STS: variants seen among roughly 807,000 people sequenced by gnomAD.
The protein encoded by STS is steryl-sulfatase.
STS carries 7 observed loss-of-function variants against 26.8 expected under a neutral mutation model. The observed-to-expected ratio is 0.26, with a 90% CI of 0.15 to 0.49. STS has a LOEUF of 0.49. Among genes scored for constraint, STS ranks in the 20% least tolerant of loss-of-function variants. The pLI, the probability that STS is intolerant of heterozygous loss-of-function variation, is 0.98. For synonymous variants in STS, 199 were observed against 189.4 expected, an observed-to-expected ratio of 1.05 and a Z score of -0.42; for missense variants, 434 against 465.6, an observed-to-expected ratio of 0.93 and a Z score of 0.63.
At chrX:7,241,440 T>G (rs1389158450) in intron 2 of STS, among the ~76,000 whole-genome samples, 3 of 111,858 alleles carry the variant, frequency 2.7e-5, no homozygotes, top group African/African-American at 9.7e-5. Context: ...AATGCCCTTT[T>G]CTAATTCAGG....
chrX:7,251,848 C>T (rs1326093078), intron 2 of STS, among the ~76,000 whole-genome samples: 3 of 110,432 alleles, frequency 2.7e-5, no homozygotes, highest in Non-Finnish European at 5.7e-5. Flanking sequence ...GTAATTCTAG[C>T]TGCTCAGGAG....
intron 2 of STS, among the ~76,000 whole-genome samples, chrX:7,203,935 C>T (rs760796553): frequency 1.8e-5 from 2 of 111,113 alleles, no homozygotes; most frequent in Non-Finnish European, 3.8e-5. Context: ...CAGGCGTGTT[C>T]TACCACGCCC....
In STS at chrX:7,164,160, G is replaced by T. The variant is rs556618967; in HGVS notation, c.-134+16077G>T. On this transcript the variant is annotated intron_variant, in intron 1 of 10. Transcript: ENST00000674429. Reference sequence around the variant, plus strand: ...CTGTTAACATGGGTGACCACAGGCTGCTGTCCAAGACTTCGCTTGAGCTAT... The same window carrying T: ...CTGTTAACATGGGTGACCACAGGCTTCTGTCCAAGACTTCGCTTGAGCTAT... Among the ~76,000 whole-genome samples, 49 of 111,834 alleles carry T rather than the reference G, an allele frequency of 4.4e-4. 2 individuals are homozygous for T. The South Asian group carries it at 0.018, about 41-fold the overall frequency.
At chrX:7,323,024 A>G (rs1407519435) in intron 8 of STS, among the ~76,000 whole-genome samples, 1 of 111,827 alleles carries the variant, frequency 8.9e-6, no homozygotes, top group African/African-American at 3.3e-5. Flanking sequence ...AACGAAGATA[A>G]TAGCCATTTT....
At chrX:7,220,625 T>G (rs1256115612) in intron 2 of STS, among the ~76,000 whole-genome samples, 2 of 99,968 alleles carry the variant, frequency 2.0e-5, no homozygotes, top group Non-Finnish European at 4.0e-5. Flanking sequence ...CTCGGCTCAC[T>G]GCAAGCTCCA....
intron 2 of STS, among the ~76,000 whole-genome samples, chrX:7,211,877 C>T (rs779189276): frequency 9.0e-6 from 1 of 110,890 alleles, no homozygotes; most frequent in South Asian, 3.8e-4. Flanking sequence ...GGGAATAGGA[C>T]ATCTCTTCAT....
intron 7 of STS, among the ~76,000 whole-genome samples, chrX:7,294,564 A>G (rs947930903): frequency 8.9e-6 from 1 of 112,106 alleles, no homozygotes; most frequent in Non-Finnish European, 1.9e-5. Context: ...CATTTAGTCT[A>G]TTTTAGTCAC....
chrX:7,311,139 G>A (rs1369586009), intron 8 of STS, among the ~76,000 whole-genome samples: 9 of 109,289 alleles, frequency 8.2e-5, no homozygotes, highest in African/African-American at 3.0e-4. Flanking sequence ...GTCATCTTTT[G>A]TCAGCTGTAT....
At chrX:7,219,366 A>C (rs1921445259) in intron 2 of STS, 2 of 992,046 alleles carry the variant, frequency 2.0e-6, no homozygotes, top group Non-Finnish European at 2.6e-6. Flanking sequence ...CCCCTTCTGA[A>C]GAATCCGGTT....
chrX:7,316,541 C>T (rs138070628), intron 8 of STS, among the ~76,000 whole-genome samples: 11 of 112,173 alleles, frequency 9.8e-5, no homozygotes, highest in Admixed American at 5.7e-4. Context: ...AGTTTGCCAA[C>T]CCTTGACTTA....
intron 1 of STS, among the ~76,000 whole-genome samples, chrX:7,167,373 G>A (rs966187952): frequency 9.0e-6 from 1 of 110,674 alleles, no homozygotes; most frequent in South Asian, 3.9e-4. Flanking sequence ...GTGCCACCAC[G>A]CCCAGCTAAT....
At chrX:7,165,528 C>A (rs2146992762) in intron 1 of STS, among the ~76,000 whole-genome samples, 1 of 110,832 alleles carries the variant, frequency 9.0e-6, no homozygotes, top group African/African-American at 3.3e-5. Flanking sequence ...CACCTGTAGT[C>A]CCAGCGACTT....
intron 10 of STS, among the ~76,000 whole-genome samples, chrX:7,339,311 A>T (rs1928177422): frequency 8.9e-6 from 1 of 112,120 alleles, no homozygotes; most frequent in African/African-American, 3.2e-5. Flanking sequence ...GAGATGCAGC[A>T]TTTCCAAATT....
rs1928800900 is a variant in STS, at chrX:7,351,650, C to T, written c.*1389C>T. ...CATCCACCTGCTTATGCATTTATCT[C>T]TTTTGTGGACTTGTCTGACCACCTT... On this transcript the variant is annotated 3_prime_UTR_variant, in exon 11 of 11. Transcript: ENST00000674429. The T allele has an allele frequency of 1.8e-5, 2 of 111,840 alleles. No homozygotes were observed. The highest frequency in any genetic ancestry group is 7.4e-4 in the South Asian group (2 of 2,707). The allele number at this position is 111,840 out of a possible 1,213,427, so 9.2% of individuals were successfully genotyped here.
chrX:7,306,877 AG>A (rs1419804722), intron 8 of STS, among the ~76,000 whole-genome samples: 2 of 112,186 alleles, frequency 1.8e-5, no homozygotes, highest in African/African-American at 3.2e-5. Flanking sequence ...CAAGGAGCTC[AG>A]TAAGGCCAGA....
chrX:7,208,073 C>T (rs1920962986), intron 2 of STS, among the ~76,000 whole-genome samples: 1 of 112,182 alleles, frequency 8.9e-6, no homozygotes, highest in African/African-American at 3.2e-5. Flanking sequence ...ACGGTAAAAT[C>T]CAACATTTGC....
chrX:7,297,000 G>A (rs1019285837), intron 7 of STS, among the ~76,000 whole-genome samples: 7 of 112,148 alleles, frequency 6.2e-5, no homozygotes, highest in African/African-American at 9.7e-5. Context: ...TGGCGACATT[G>A]CACTCTTACA....
rs1178578773 is a variant in STS at position 7,349,316 on chromosome X, C to CT, written c.1364-535dup. 7.0e-3 allele frequency among the ~76,000 whole-genome samples: 370 copies of CT among 52,839 alleles called. 34 individuals carry two copies. The highest frequency in any genetic ancestry group is 0.033 in the Middle Eastern group (2 of 60). The allele number at this position is 52,839 out of a possible 115,157, so 45.9% of individuals were successfully genotyped here. On this transcript the variant is annotated intron_variant, in intron 10 of 10. Coordinates refer to ENST00000674429, the MANE Select transcript of STS (RefSeq NM_001320752.2). Reference sequence around the variant, plus strand: ...GCTGCACTCGGCCCTCATTTAATTCCTTTTTTTTTTTTTTTTTTTTTTTTT... The same window carrying CT: ...GCTGCACTCGGCCCTCATTTAATTCCTTTTTTTTTTTTTTTTTTTTTTTTTT...
chrX:7,323,735 A>G (rs1024653900), intron 8 of STS, among the ~76,000 whole-genome samples: 1 of 111,935 alleles, frequency 8.9e-6, no homozygotes, highest in South Asian at 3.8e-4. Flanking sequence ...GGGAATAACC[A>G]TGAATTAAAT....
Sources: gnomAD v4.1 joint callset for allele counts (sites outside exome capture counted in the v4.1 genomes callset) on GRCh38, gnomAD v4.1.1 for gene constraint, MANE v1.5 for transcripts, NCBI Gene and HGNC (gene_info 2026-07-23, HGNC 2026-07-21) for gene names.